The following NUBPL variants were observed in gnomAD, a reference collection of about 807,000 sequenced individuals.
NUBPL encodes NUBP iron-sulfur cluster assembly factor, mitochondrial.
Under a neutral mutation model 45.7 loss-of-function variants are expected in NUBPL, and 31 were observed. The ratio of observed to expected loss-of-function variants is 0.68; its 90% confidence interval spans 0.51 to 0.92. The LOEUF (loss-of-function observed/expected upper bound fraction) is 0.92. Ranked by LOEUF, NUBPL falls within the 40% of genes least tolerant of loss-of-function variation. The pLI is 0.00. For missense variants in NUBPL, 401 were observed against 398.7 expected, an observed-to-expected ratio of 1.01 and a Z score of -0.05; for synonymous variants, 144 against 140.9, an observed-to-expected ratio of 1.02 and a Z score of -0.15.
intron 6 of NUBPL, among the ~76,000 whole-genome samples, chr14:31,675,514 A>G (rs893340900): frequency 6.6e-6 from 1 of 152,242 alleles, no homozygotes; most frequent in Non-Finnish European, 1.5e-5. Flanking sequence ...ATTTTAAACA[A>G]TTGAATATAA....
chr14:31,839,846 A>G (rs1385864570), intron 8 of NUBPL, among the ~76,000 whole-genome samples: 1 of 152,218 alleles, frequency 6.6e-6, no homozygotes, highest in Admixed American at 6.5e-5. Flanking sequence ...AAAAAATGCT[A>G]GTATCACTAA....
chr14:31,592,942 A>G (rs1209530872), intron 3 of NUBPL, among the ~76,000 whole-genome samples: 4 of 152,328 alleles, frequency 2.6e-5, no homozygotes, highest in South Asian at 2.1e-4. Context: ...TTTACATTCT[A>G]GTAGAGGAGA....
At chr14:31,774,661 C>T (rs931590824) in intron 6 of NUBPL, among the ~76,000 whole-genome samples, 2 of 152,092 alleles carry the variant, frequency 1.3e-5, no homozygotes, top group African/African-American at 4.8e-5. Flanking sequence ...GAGGGAATTG[C>T]CTTTATTTGA....
chr14:31,562,680 T>C (rs1326105524), intron 2 of NUBPL: 1 of 150,922 alleles, frequency 6.6e-6, no homozygotes, highest in Non-Finnish European at 1.5e-5. Flanking sequence ...CTCGGCTCAC[T>C]GTAAGCTCCG....
intron 8 of NUBPL, among the ~76,000 whole-genome samples, chr14:31,839,192 T>C: frequency 6.6e-6 from 1 of 152,214 alleles, no homozygotes; most frequent in East Asian, 1.9e-4. Flanking sequence ...AAACTTTTCA[T>C]TGAAGCTGTG....
intron 4 of NUBPL, among the ~76,000 whole-genome samples, chr14:31,663,899 T>C (rs1438741053): frequency 4.6e-5 from 7 of 152,160 alleles, no homozygotes; most frequent in Non-Finnish European, 1.0e-4. Context: ...TTTGTTTGTG[T>C]CCTCTCATTT....
intron 7 of NUBPL, among the ~76,000 whole-genome samples, chr14:31,822,206 A>G (rs144830584): frequency 1.8e-4 from 28 of 152,324 alleles, no homozygotes; most frequent in African/African-American, 6.5e-4. Flanking sequence ...TGGTTATAAC[A>G]CAAAAGATGA....
At chr14:31,793,828 C>CTTTTTTTTTTTTTTTTTTTTTTTTT (rs55698198) in intron 7 of NUBPL, among the ~76,000 whole-genome samples, 1 of 127,614 alleles carries the variant, frequency 7.8e-6, no homozygotes. Context: ...CCTTATCTTT[C>CTTTTTTTTTTTTTTTTTTTTTTTTT]TTTTTTTTTT....
intron 7 of NUBPL, among the ~76,000 whole-genome samples, chr14:31,792,420 C>T (rs1351207488): frequency 6.6e-6 from 1 of 152,036 alleles, no homozygotes; most frequent in Non-Finnish European, 1.5e-5. Context: ...AAGCAGTTTT[C>T]TTCATCTTTT....
chr14:31,848,057 C>T (rs1471642937), intron 9 of NUBPL, among the ~76,000 whole-genome samples: 1 of 152,152 alleles, frequency 6.6e-6, no homozygotes, highest in Non-Finnish European at 1.5e-5. Flanking sequence ...GAATTTGAAA[C>T]ATTTCATTGA....
intron 6 of NUBPL, among the ~76,000 whole-genome samples, chr14:31,680,584 A>G (rs1242328877): frequency 6.6e-6 from 1 of 152,046 alleles, no homozygotes; most frequent in Non-Finnish European, 1.5e-5. Context: ...ACAATGAGTA[A>G]TATTGTAATT....
At chr14:31,677,827 G>A (rs2036736789) in intron 6 of NUBPL, among the ~76,000 whole-genome samples, 1 of 152,146 alleles carries the variant, frequency 6.6e-6, no homozygotes, top group South Asian at 2.1e-4. Context: ...TTTGCTCAAG[G>A]CCCTGTAGCT....
rs1342893552 is a variant in NUBPL, at chr14:31,834,218, G to A, written c.693+7504G>A. On this transcript the variant is annotated intron_variant, in intron 8 of 10. Coordinates refer to ENST00000281081, the MANE Select transcript of NUBPL (RefSeq NM_025152.3). ...TTTTTTTGAGACAGAGTCTTGCTCT[G>A]TCGCCAGGCTGGAGTGCAGTGGTGT... Among the ~76,000 whole-genome samples the A allele has an allele frequency of 5.1e-5, 6 of 116,624 alleles. No homozygotes were observed. The East Asian group carries it at 1.5e-3, about 29-fold the overall frequency. The allele number at this position is 116,624 out of a possible 152,430, so 76.5% of individuals were successfully genotyped here. A position where few individuals can be genotyped will look rare whatever the true frequency, so the allele number is the denominator to read the frequency against.
chr14:31,659,170 A>G (rs950398434), intron 4 of NUBPL, among the ~76,000 whole-genome samples: 8 of 152,198 alleles, frequency 5.3e-5, no homozygotes, highest in Non-Finnish European at 7.3e-5. Context: ...TAAAATATCT[A>G]AAGTGTCTAA....
At chr14:31,692,955 T>TC (rs35036591) in intron 6 of NUBPL, among the ~76,000 whole-genome samples, 1 of 152,210 alleles carries the variant, frequency 6.6e-6, no homozygotes, top group African/African-American at 2.4e-5. Context: ...CTTTTTTTTT[T>TC]CCCTGCTTAA....
chr14:31,844,960 A>G (rs1038160541), intron 8 of NUBPL: 1 of 152,208 alleles, frequency 6.6e-6, no homozygotes, highest in Non-Finnish European at 1.5e-5. Context: ...TTGTTGAATA[A>G]TAACATTTCT....
chr14:31,841,586 T>G (rs2040369492), intron 8 of NUBPL, among the ~76,000 whole-genome samples: 1 of 152,178 alleles, frequency 6.6e-6, no homozygotes, highest in Admixed American at 6.5e-5. Flanking sequence ...GCTTGCCCTT[T>G]CACTCTTGAA....
intron 4 of NUBPL, among the ~76,000 whole-genome samples, chr14:31,622,884 C>T (rs1330558527): frequency 6.6e-6 from 1 of 152,244 alleles, no homozygotes; most frequent in Non-Finnish European, 1.5e-5. Flanking sequence ...CCTACTGGGG[C>T]ACTTCCTAGA....
chr14:31,664,958 G>A (rs2036369225), intron 4 of NUBPL, among the ~76,000 whole-genome samples: 1 of 152,136 alleles, frequency 6.6e-6, no homozygotes, highest in Non-Finnish European at 1.5e-5. Flanking sequence ...TTGGGAGGGT[G>A]TATGTGTCCG....
Sources: gnomAD v4.1 joint callset for allele counts (sites outside exome capture counted in the v4.1 genomes callset) on GRCh38, gnomAD v4.1.1 for gene constraint, MANE v1.5 for transcripts, NCBI Gene and HGNC (gene_info 2026-07-23, HGNC 2026-07-21) for gene names.